The following DHX58 variants were observed in gnomAD, a reference collection of about 807,000 sequenced individuals.
DHX58 encodes the protein DExH-box helicase 58.
Under a neutral mutation model 65.0 loss-of-function variants are expected in DHX58, and 51 were observed. The observed-to-expected ratio is 0.78, with a 90% CI of 0.63 to 0.99. The LOEUF (loss-of-function observed/expected upper bound fraction) is 0.99, where lower values mean the gene tolerates loss of function less well. DHX58 is among the 50% of genes least tolerant of loss of function. The probability of loss-of-function intolerance (pLI) is 0.00; values close to 1 mark genes in which losing one functional copy is unlikely to be tolerated. For missense variants in DHX58, 773 were observed against 891.8 expected (o/e 0.87, Z 1.70); for synonymous variants, 350 against 365.0 (o/e 0.96, Z 0.47).
At chr17:42,103,482 C>T in intron 12 of DHX58, 126 bp downstream of exon 12, 2 of 1,234,110 alleles carry the variant, frequency 1.6e-6, no homozygotes, top group South Asian at 1.4e-5. Flanking sequence ...ACCTGTCTAA[C>T]CAGATTATTG....
intron 13 of DHX58, 111 bp from the exon 14 acceptor site, chr17:42,102,057 C>T: frequency 6.9e-7 from 1 of 1,453,466 alleles, no homozygotes; most frequent in Admixed American, 2.0e-5. Flanking sequence ...CCTGAGATGT[C>T]ACAGACTGTG....
At chr17:42,110,607 C>T (rs2054133889) in intron 5 of DHX58, 116 bp downstream of exon 5, 2 of 1,214,496 alleles carry the variant, frequency 1.6e-6, no homozygotes. Flanking sequence ...GGGGCCAGAC[C>T]CTGCCATGGA....
At chr17:42,102,605 A>C in intron 12 of DHX58, 1 of 335,726 alleles carries the variant, frequency 3.0e-6, no homozygotes, top group Non-Finnish European at 5.5e-6. Flanking sequence ...TCCTTCCACC[A>C]ACTGCTAGAG....
chr17:42,107,601 C>CA lies in DHX58; in HGVS notation c.997+2dup. On this transcript the variant is annotated splice_region_variant and intron_variant, in intron 8 of 13. Transcript: ENST00000251642. ...GGCCCCGAAGCCCCCTCCCGCCCCT[C>CA]ACCATCGAACAGGGCCAGCAGCCGG... 1 of 1,582,926 alleles carries CA rather than the reference C, an allele frequency of 6.3e-7. No individual in the cohort carries two copies. Among genetic ancestry groups the CA allele is most frequent in the Non-Finnish European group, 8.6e-7 (1 of 1,161,376 alleles).
At chr17:42,107,914 G>A (rs2054089624) in intron 7 of DHX58, 68 bp downstream of exon 7, 1 of 1,579,436 alleles carries the variant, frequency 6.3e-7, no homozygotes, top group Non-Finnish European at 8.6e-7. Context: ...AAAGGCCTCC[G>A]CCCCGGCAGG....
intron 12 of DHX58, chr17:42,103,395 G>A (rs1387681623): frequency 3.4e-6 from 2 of 595,386 alleles, no homozygotes; most frequent in Non-Finnish European, 5.8e-6. Flanking sequence ...CCAGATAGTG[G>A]CTGTGGGAAC....
chr17:42,108,712 G>T lies in DHX58; in HGVS notation c.678+558C>A, dbSNP rs1360424157. On this transcript the variant is annotated intron_variant, in intron 6 of 13. Coordinates refer to ENST00000251642, the MANE Select transcript of DHX58 (RefSeq NM_024119.3). Reference sequence around the variant, plus strand: ...GGCCAGGGAGAGCAGCTGCAGGCGTGGGGGCAGCAGGAGCCACAGGGCCGG... The same window carrying T: ...GGCCAGGGAGAGCAGCTGCAGGCGTTGGGGCAGCAGGAGCCACAGGGCCGG... Among the ~76,000 whole-genome samples, 5 of 152,244 alleles carry T rather than the reference G, an allele frequency of 3.3e-5. No homozygotes were observed. In the East Asian group the frequency reaches 9.6e-4, roughly 29 times the overall value.
At chr17:42,109,246 C>G (rs782012183) in intron 6 of DHX58, 24 bp downstream of exon 6, 14 of 1,597,576 alleles carry the variant, frequency 8.8e-6, no homozygotes, top group Non-Finnish European at 1.2e-5. Context: ...CTCCCGCTCT[C>G]GCCGTGTCCC....
chr17:42,104,918 G>C lies in DHX58; in HGVS notation c.1411C>G (p.Arg471Gly). ...TATACACTCTGATCGGCCCGGGCAC[G>C]GCCCCTGGCCTGGGAAGAGAGACAA... Reference protein sequence around the residue: ...NEISMVQARGRARADQSVYAF... With the variant: ...NEISMVQARGGARADQSVYAF... Residue 471 changes from arginine (R) to glycine (G), a missense_variant, in exon 11 of 14, where the codon CGT (arginine) becomes GGT (glycine). Physicochemically the swap from Arg to Gly is moderately radical, Grantham distance 125 (BLOSUM62 -2). Coordinates refer to ENST00000251642, the MANE Select transcript of DHX58 (RefSeq NM_024119.3). 1.2e-6 allele frequency: 2 copies of C among 1,614,026 alleles called. No individual in the cohort carries two copies. Among genetic ancestry groups the C allele is most frequent in the African/African-American group, 1.3e-5 (1 of 75,046 alleles).
chr17:42,102,718 C>G (rs2053997832), intron 12 of DHX58: 2 of 159,484 alleles, frequency 1.3e-5, no homozygotes, highest in African/African-American at 4.8e-5. Flanking sequence ...CACACCTGAC[C>G]TTTCAAATCT....
chr17:42,111,606 G>C, intron 3 of DHX58, 109 bp from the exon 4 acceptor site: 1 of 1,573,376 alleles, frequency 6.4e-7, no homozygotes. Context: ...AGGGTGGAAA[G>C]ACAGGTGAGC....
At chr17:42,106,028 CAT>C (rs781947657) in intron 8 of DHX58, 39 bp from the exon 9 acceptor site, 1 of 1,587,104 alleles carries the variant, frequency 6.3e-7, no homozygotes, top group Non-Finnish European at 8.6e-7. Context: ...TGTAGTGGCA[CAT>C]GTCTGTAGTC....
intron 4 of DHX58, 135 bp downstream of exon 4, chr17:42,111,161 T>C: frequency 8.7e-7 from 1 of 1,149,560 alleles, no homozygotes; most frequent in Non-Finnish European, 1.2e-6. Context: ...CTAGAGTGCC[T>C]GCAGGGGTTT....
chr17:42,111,605 A>G, intron 3 of DHX58, 108 bp from the exon 4 acceptor site: 2 of 1,573,290 alleles, frequency 1.3e-6, no homozygotes, highest in Non-Finnish European at 8.7e-7. Flanking sequence ...CAGGGTGGAA[A>G]GACAGGTGAG....
rs782131553 is a variant in DHX58, at chr17:42,105,005, A to G, written c.1401+13T>C. ...TCCTATAAGGGCGGCTGAGTGGAGG[A>G]GGATGTGAGTACCTGGACCATGGAG... On this transcript the variant is annotated intron_variant, in intron 10 of 13. Transcript: ENST00000251642. The G allele has an allele frequency of 6.2e-7, 1 of 1,612,110 alleles. No homozygotes were observed. The highest frequency in any genetic ancestry group is 1.1e-5 in the South Asian group (1 of 91,034).
intron 5 of DHX58, 129 bp from the exon 6 acceptor site, chr17:42,109,515 CCT>C: frequency 1.4e-6 from 1 of 700,340 alleles, no homozygotes; most frequent in Admixed American, 2.7e-5. Context: ...TATTGCTCGC[CCT>C]CTCTGTGCCC....
intron 11 of DHX58, among the ~76,000 whole-genome samples, chr17:42,104,189 G>A (rs1168024995): frequency 2.1e-5 from 3 of 145,396 alleles, no homozygotes; most frequent in Non-Finnish European, 4.4e-5. Context: ...CTGGGTGACA[G>A]AGTGAGACTC....
rs2054011251 is a variant in DHX58 at position 42,103,667 on chromosome 17, A to G, written c.1695T>C (p.His565=). Residue 565 remains histidine, a synonymous_variant, in exon 12 of 14, where the codon CAT becomes CAC. Coordinates refer to ENST00000251642, the MANE Select transcript of DHX58 (RefSeq NM_024119.3). ...LCINCMVAVG[H]GSDLRKVEGT... ...CCTCCACCTTCCGCAGGTCGCTGCC[A>G]TGGCCCACAGCCACCATGCAGTTGA... 6.2e-7 allele frequency: 1 copy of G among 1,613,916 alleles called. No individual in the cohort carries two copies. The highest frequency in any genetic ancestry group is 8.5e-7 in the Non-Finnish European group (1 of 1,180,026).
chr17:42,105,484 C>T (rs1194434980), intron 9 of DHX58, among the ~76,000 whole-genome samples: 4 of 151,984 alleles, frequency 2.6e-5, no homozygotes, highest in African/African-American at 9.7e-5. Context: ...GCATCACCCA[C>T]CTCTTTCCCT....
Sources: gnomAD v4.1 joint callset for allele counts (sites outside exome capture counted in the v4.1 genomes callset) on GRCh38, gnomAD v4.1.1 for gene constraint, MANE v1.5 for transcripts, NCBI Gene and HGNC (gene_info 2026-07-23, HGNC 2026-07-21) for gene names.